The following CHCHD3 variants were observed in gnomAD, a reference collection of about 807,000 sequenced individuals.
CHCHD3 encodes coiled-coil-helix-coiled-coil-helix domain containing 3, also known as MICOS complex subunit MIC19.
CHCHD3 carries 20 observed loss-of-function variants against 38.2 expected under a neutral mutation model. That is an observed-to-expected ratio of 0.52 (90% CI 0.37 to 0.76). CHCHD3 has a LOEUF of 0.76. CHCHD3 is among the 30% of genes least tolerant of loss of function. The pLI, the probability that CHCHD3 is intolerant of heterozygous loss-of-function variation, is 0.00. For synonymous variants in CHCHD3, 82 were observed against 100.0 expected (o/e 0.82, Z 1.07); for missense variants, 245 against 279.2 (o/e 0.88, Z 0.87).
In CHCHD3 at chr7:133,081,907, T is replaced by C; in HGVS notation, c.31A>G (p.Thr11Ala). 1.3e-6 allele frequency: 2 copies of C among 1,559,146 alleles called. No individual in the cohort carries two copies. The highest frequency in any genetic ancestry group is 1.7e-6 in the Non-Finnish European group (2 of 1,151,184). Reference protein sequence around the residue: MGGTTSTRRVTFEADENENIT... With the variant: MGGTTSTRRVAFEADENENIT... Reference sequence around the variant, plus strand: ...TTCTCATTCTCGTCCGCCTCGAAGGTGACCCGGCGGGTGCTGGTGGTCCCA... The same window carrying C: ...TTCTCATTCTCGTCCGCCTCGAAGGCGACCCGGCGGGTGCTGGTGGTCCCA... The change falls in exon 1 of 8, where the codon ACC (threonine) becomes GCC (alanine). Residue 11 changes from threonine to alanine, a missense_variant. Thr to Ala is a moderately conservative substitution (Grantham distance 58). Transcript: ENST00000262570.
At chr7:132,857,590 T>C (rs946370843) in intron 5 of CHCHD3, among the ~76,000 whole-genome samples, 2 of 152,150 alleles carry the variant, frequency 1.3e-5, no homozygotes, top group African/African-American at 4.8e-5. Context: ...GTATTTTTAA[T>C]AGAGATGGGG....
At chr7:132,934,436 G>A (rs1463346668) in intron 4 of CHCHD3, among the ~76,000 whole-genome samples, 1 of 152,170 alleles carries the variant, frequency 6.6e-6, no homozygotes, top group Non-Finnish European at 1.5e-5. Context: ...GCAGGGAAAT[G>A]CTGCAGTCCA....
intron 4 of CHCHD3, among the ~76,000 whole-genome samples, chr7:132,955,944 T>G (rs761458036): frequency 2.2e-4 from 33 of 152,134 alleles, no homozygotes; most frequent in Non-Finnish European, 4.1e-4. Context: ...AAAACTGACT[T>G]AGCGGGATTC....
At chr7:132,796,726 G>T in intron 6 of CHCHD3, 149 bp from the exon 7 acceptor site, 1 of 682,238 alleles carries the variant, frequency 1.5e-6, no homozygotes, top group East Asian at 2.7e-5. Context: ...AAACTTCAAA[G>T]ATAGCTAAAT....
At chr7:132,898,696 A>G (rs1441253699) in intron 4 of CHCHD3, among the ~76,000 whole-genome samples, 2 of 152,258 alleles carry the variant, frequency 1.3e-5, no homozygotes, top group Non-Finnish European at 2.9e-5. Context: ...ACAGGAGCCC[A>G]CGGAGCGGGT....
chr7:133,041,730 T>C (rs1292311335), intron 2 of CHCHD3, among the ~76,000 whole-genome samples: 1 of 152,128 alleles, frequency 6.6e-6, no homozygotes, highest in Non-Finnish European at 1.5e-5. Flanking sequence ...TATTCCCCCA[T>C]CTCCATCTAC....
intron 5 of CHCHD3, among the ~76,000 whole-genome samples, chr7:132,866,974 G>C (rs1217103417): frequency 6.6e-6 from 1 of 152,078 alleles, no homozygotes; most frequent in Non-Finnish European, 1.5e-5. Flanking sequence ...CTAATCGGAG[G>C]CCTCGCTATC....
At chr7:133,078,994 C>T (rs1426084703) in intron 1 of CHCHD3, among the ~76,000 whole-genome samples, 1 of 152,108 alleles carries the variant, frequency 6.6e-6, no homozygotes, top group Non-Finnish European at 1.5e-5. Context: ...CTTATCCTTC[C>T]CCATGTCTCA....
At chr7:132,954,473 G>C (rs1265329212) in intron 4 of CHCHD3, among the ~76,000 whole-genome samples, 2 of 152,168 alleles carry the variant, frequency 1.3e-5, no homozygotes, top group African/African-American at 4.8e-5. Context: ...GTCCTTTGTG[G>C]ACACAGGGTC....
At chr7:132,929,893 C>T (rs773348612) in intron 4 of CHCHD3, among the ~76,000 whole-genome samples, 6 of 152,068 alleles carry the variant, frequency 3.9e-5, no homozygotes, top group Non-Finnish European at 5.9e-5. Context: ...CTGATTGCCA[C>T]GAATATGGCA....
At chr7:132,929,122 C>T (rs1261916567) in intron 4 of CHCHD3, among the ~76,000 whole-genome samples, 1 of 152,142 alleles carries the variant, frequency 6.6e-6, no homozygotes, top group East Asian at 1.9e-4. Context: ...AATAACTATC[C>T]TGGCTTTTCC....
chr7:132,828,192 CCAA>C (rs1807554263), intron 6 of CHCHD3, among the ~76,000 whole-genome samples: 1 of 152,104 alleles, frequency 6.6e-6, no homozygotes, highest in African/African-American at 2.4e-5. Flanking sequence ...TAAGGAACTG[CCAA>C]CATTTTTTTT....
intron 4 of CHCHD3, among the ~76,000 whole-genome samples, chr7:132,931,583 A>G (rs1336309031): frequency 2.6e-5 from 4 of 152,220 alleles, no homozygotes; most frequent in Non-Finnish European, 4.4e-5. Flanking sequence ...AGCCTTCCGT[A>G]TAATTTTAGG....
intron 7 of CHCHD3, among the ~76,000 whole-genome samples, chr7:132,793,409 TA>T (rs942898761): frequency 3.3e-5 from 5 of 152,238 alleles, no homozygotes; most frequent in African/African-American, 1.2e-4. Flanking sequence ...TGGTAGCTTT[TA>T]AGTCTTAGAA....
In CHCHD3 at chr7:132,815,437, A is replaced by G. The variant is rs1475467057; in HGVS notation, c.525-18860T>C. ...AAGGAAATGGCAGGAATGACTGCACATAAAGGACATTTTACCAGTTGTTCT... is the reference window on the plus strand; with the variant it reads ...AAGGAAATGGCAGGAATGACTGCACGTAAAGGACATTTTACCAGTTGTTCT... On this transcript the variant is annotated intron_variant, in intron 6 of 7. Coordinates refer to ENST00000262570, the MANE Select transcript of CHCHD3 (RefSeq NM_017812.4). The G allele has an allele frequency of 2.6e-5, 10 of 380,168 alleles. No homozygotes were observed. The East Asian group carries it at 6.9e-4, about 26-fold the overall frequency. The allele number at this position is 380,168 out of a possible 1,614,324, so 23.5% of individuals were successfully genotyped here.
At chr7:132,917,816 G>C (rs972627083) in intron 4 of CHCHD3, among the ~76,000 whole-genome samples, 1 of 122,098 alleles carries the variant, frequency 8.2e-6, no homozygotes, top group Non-Finnish European at 1.6e-5. Context: ...CAAAGATCGC[G>C]CCACTGCCCT....
chr7:132,871,403 G>A (rs1162973641), intron 5 of CHCHD3, among the ~76,000 whole-genome samples: 2 of 152,140 alleles, frequency 1.3e-5, no homozygotes, highest in Non-Finnish European at 2.9e-5. Flanking sequence ...ACAATTTAGA[G>A]TAACTACACC....
intron 7 of CHCHD3, among the ~76,000 whole-genome samples, chr7:132,791,484 T>G (rs901080093): frequency 6.6e-6 from 1 of 152,228 alleles, no homozygotes; most frequent in Non-Finnish European, 1.5e-5. Context: ...GCATCTAATG[T>G]AGAGTTCATC....
At chr7:133,078,408 G>A (rs1216353040) in intron 1 of CHCHD3, among the ~76,000 whole-genome samples, 3 of 152,128 alleles carry the variant, frequency 2.0e-5, no homozygotes, top group African/African-American at 7.2e-5. Flanking sequence ...GAGCCTGGTG[G>A]AGCGGCACAT....
Sources: gnomAD v4.1 joint callset for allele counts (sites outside exome capture counted in the v4.1 genomes callset) on GRCh38, gnomAD v4.1.1 for gene constraint, MANE v1.5 for transcripts, NCBI Gene and HGNC (gene_info 2026-07-23, HGNC 2026-07-21) for gene names.